Variants in GNAQ observed in about 807,000 individuals in gnomAD.
The protein encoded by GNAQ is G protein subunit alpha q, also known as guanine nucleotide-binding protein G(q) subunit alpha.
In GNAQ, 8 loss-of-function variants were observed where a neutral mutation model predicts 43.9. That is an observed-to-expected ratio of 0.18 (90% confidence interval 0.11 to 0.33). The LOEUF is 0.33. Among genes scored for constraint, GNAQ ranks in the 10% least tolerant of loss-of-function variants. GNAQ has a pLI of 1.00. For synonymous variants in GNAQ, 155 were observed against 170.7 expected, an observed-to-expected ratio of 0.91 and a Z score of 0.71; for missense variants, 158 against 450.8, an observed-to-expected ratio of 0.35 and a Z score of 5.88.
At chr9:77,877,222 T>G (rs1252098380) in intron 2 of GNAQ, among the ~76,000 whole-genome samples, 1 of 152,204 alleles carries the variant, frequency 6.6e-6, no homozygotes, top group East Asian at 1.9e-4. Flanking sequence ...CGAAGAATAT[T>G]CAAATATTCT....
At chr9:77,777,018 T>C (rs1252397853) in intron 5 of GNAQ, among the ~76,000 whole-genome samples, 3 of 152,100 alleles carry the variant, frequency 2.0e-5, no homozygotes, top group Non-Finnish European at 2.9e-5. Context: ...CAGTGTGGTA[T>C]TGACTTAAAA....
chr9:78,020,102 C>T (rs745411937), intron 1 of GNAQ, among the ~76,000 whole-genome samples: 4 of 152,018 alleles, frequency 2.6e-5, no homozygotes, highest in Non-Finnish European at 5.9e-5. Flanking sequence ...CATTACATGC[C>T]TCCACTTTGC....
intron 5 of GNAQ, among the ~76,000 whole-genome samples, chr9:77,774,793 C>T (rs1469829903): frequency 1.3e-5 from 2 of 152,100 alleles, no homozygotes; most frequent in East Asian, 1.9e-4. Context: ...AGATTTTAAT[C>T]TTTAAGATTT....
At chr9:77,857,312 C>T (rs749457370) in intron 2 of GNAQ, among the ~76,000 whole-genome samples, 7 of 152,212 alleles carry the variant, frequency 4.6e-5, no homozygotes, top group Non-Finnish European at 1.0e-4. Flanking sequence ...ACCTACATCT[C>T]TTAGCTTTGT....
At chr9:77,779,245 T>C (rs1227022884) in intron 5 of GNAQ, among the ~76,000 whole-genome samples, 1 of 151,600 alleles carries the variant, frequency 6.6e-6, no homozygotes, top group Non-Finnish European at 1.5e-5. Context: ...GAAATGAAAC[T>C]AGAAACAAAT....
At chr9:77,752,143 T>C (rs1404631481) in intron 5 of GNAQ, among the ~76,000 whole-genome samples, 1 of 152,242 alleles carries the variant, frequency 6.6e-6, no homozygotes, top group Non-Finnish European at 1.5e-5. Context: ...CTGACAAGTA[T>C]TTCTGTTTGC....
At chr9:77,762,238 G>A (rs540693263) in intron 5 of GNAQ, among the ~76,000 whole-genome samples, 1,551 of 140,928 alleles carry the variant, frequency 0.011, 18 homozygotes, top group African/African-American at 0.038. Context: ...CGCCCCTTCC[G>A]GGAGGGAGGT....
At chr9:77,926,354 C>T (rs1358546846) in intron 1 of GNAQ, among the ~76,000 whole-genome samples, 1 of 151,950 alleles carries the variant, frequency 6.6e-6, no homozygotes, top group Non-Finnish European at 1.5e-5. Context: ...ATGTTGTTTC[C>T]TAAGGCCACA....
chr9:77,979,075 C>T (rs1195926500), intron 1 of GNAQ, among the ~76,000 whole-genome samples: 2 of 151,544 alleles, frequency 1.3e-5, no homozygotes, highest in South Asian at 2.1e-4. Flanking sequence ...AATAAAAATT[C>T]GGCTGGGTGG....
At chr9:78,027,907 A>G (rs1322889148) in intron 1 of GNAQ, among the ~76,000 whole-genome samples, 1 of 152,190 alleles carries the variant, frequency 6.6e-6, no homozygotes, top group African/African-American at 2.4e-5. Context: ...GTTAACAGGA[A>G]AAAAATGTTT....
chr9:77,926,024 C>T (rs1829068244), intron 1 of GNAQ, among the ~76,000 whole-genome samples: 1 of 152,032 alleles, frequency 6.6e-6, no homozygotes, highest in African/African-American at 2.4e-5. Context: ...GTTTTTATGG[C>T]TTTTAAAAAA....
chr9:77,888,030 A>C (rs1345237493), intron 2 of GNAQ, among the ~76,000 whole-genome samples: 1 of 152,154 alleles, frequency 6.6e-6, no homozygotes, highest in African/African-American at 2.4e-5. Flanking sequence ...CTTTCACACT[A>C]ACACTAAGAC....
At chr9:77,804,050 C>T (rs1356546841) in intron 3 of GNAQ, among the ~76,000 whole-genome samples, 2 of 152,206 alleles carry the variant, frequency 1.3e-5, no homozygotes, top group African/African-American at 4.8e-5. Flanking sequence ...ACAACACTTT[C>T]TCTCTTATGT....
At chr9:78,030,995 A>C in intron 1 of GNAQ, 105 bp downstream of exon 1, 7 of 820,276 alleles carry the variant, frequency 8.5e-6, no homozygotes, top group Non-Finnish European at 8.1e-6. Flanking sequence ...GTAGGGGCGA[A>C]CCGCGGGCGC....
intron 5 of GNAQ, among the ~76,000 whole-genome samples, chr9:77,762,188 A>G (rs1487589378): frequency 1.9e-3 from 167 of 85,876 alleles, no homozygotes; most frequent in Middle Eastern, 0.018. Context: ...CTGCCCGGCC[A>G]CCCCTACTGG....
intron 1 of GNAQ, among the ~76,000 whole-genome samples, chr9:77,993,208 C>T (rs1056425300): frequency 2.0e-5 from 3 of 152,104 alleles, no homozygotes; most frequent in African/African-American, 7.2e-5. Flanking sequence ...TATGCCTTCT[C>T]TCTAATGGAG....
chr9:77,816,611 A>G (rs558552951), intron 2 of GNAQ, among the ~76,000 whole-genome samples: 93 of 152,246 alleles, frequency 6.1e-4, no homozygotes, highest in South Asian at 1.7e-3. Flanking sequence ...ATATACACAC[A>G]CATATATATA....
At chr9:77,725,007 A>C (rs968784334) in intron 6 of GNAQ, among the ~76,000 whole-genome samples, 3 of 152,148 alleles carry the variant, frequency 2.0e-5, no homozygotes, top group Non-Finnish European at 4.4e-5. Flanking sequence ...TAAAAAGAAC[A>C]TTATATTTCT....
At chr9:78,012,045 A>G (rs1430890419) in intron 1 of GNAQ, among the ~76,000 whole-genome samples, 3 of 152,194 alleles carry the variant, frequency 2.0e-5, no homozygotes, top group African/African-American at 7.2e-5. Context: ...ACAAATAACC[A>G]AATTTTTAAA....
Sources: gnomAD v4.1 joint callset for allele counts (sites outside exome capture counted in the v4.1 genomes callset) on GRCh38, gnomAD v4.1.1 for gene constraint, MANE v1.5 for transcripts, NCBI Gene and HGNC (gene_info 2026-07-23, HGNC 2026-07-21) for gene names.